Variants in ROS1 observed in about 807,000 individuals in gnomAD.
The protein encoded by ROS1 is proto-oncogene tyrosine-protein kinase ROS.
ROS1 carries 263 observed loss-of-function variants against 273.5 expected under a neutral mutation model. The ratio of observed to expected loss-of-function variants is 0.96; its 90% CI spans 0.87 to 1.06. The LOEUF (loss-of-function observed/expected upper bound fraction) is 1.06. ROS1 is among the 50% of genes least tolerant of loss of function. ROS1 has a pLI of 0.00. For missense variants in ROS1, 2,833 were observed against 2,751.1 expected (o/e 1.03, Z -0.67); for synonymous variants, 1,008 against 954.1 (o/e 1.06, Z -1.04).
chr6:117,388,139 T>C (rs1016464633), intron 13 of ROS1, 147 bp from the exon 14 acceptor site: 3 of 1,258,374 alleles, frequency 2.4e-6, no homozygotes, highest in Non-Finnish European at 3.3e-6. Flanking sequence ...TCACCAGGGA[T>C]CATTTGTTGA....
chr6:117,317,253 T>C lies in ROS1; in HGVS notation c.6007A>G (p.Ile2003Val). 1 of 1,612,052 alleles carries C rather than the reference T, an allele frequency of 6.2e-7. No individual in the cohort carries two copies. Among genetic ancestry groups the C allele is most frequent in the East Asian group, 2.2e-5 (1 of 44,850 alleles). The change falls in exon 39 of 44, where the codon ATT becomes GTT. Residue 2003 changes from isoleucine to valine, a missense_variant. Physicochemically the swap from Ile to Val is conservative, Grantham distance 29. Coordinates refer to ENST00000368507, the MANE Select transcript of ROS1 (RefSeq NM_001378902.1). ...AGACAAACTCCAAGCTGCTTCAGAA[T>C]GTTGGGATGATTAAATTTGCTGAAA... ...HLMSKFNHPN[I>V]LKQLGVCLLN...
At chr6:117,363,616 C>T (rs534637674) in intron 21 of ROS1, among the ~76,000 whole-genome samples, 6 of 152,284 alleles carry the variant, frequency 3.9e-5, no homozygotes, top group Admixed American at 2.0e-4. Flanking sequence ...GGCCTTCTTA[C>T]ATTAGGCTTC....
intron 22 of ROS1, among the ~76,000 whole-genome samples, chr6:117,361,198 T>G (rs1779773921): frequency 6.6e-6 from 1 of 152,038 alleles, no homozygotes; most frequent in Non-Finnish European, 1.5e-5. Flanking sequence ...AAAGTTTATT[T>G]TTTTTCTTAG....
chr6:117,356,282 C>A (rs1356559730), intron 26 of ROS1, among the ~76,000 whole-genome samples: 1 of 152,150 alleles, frequency 6.6e-6, no homozygotes, highest in African/African-American at 2.4e-5. Context: ...GCCTCAGTTT[C>A]CTCATCTGTA....
chr6:117,375,063 T>C (rs1781199744), intron 18 of ROS1, among the ~76,000 whole-genome samples: 1 of 152,154 alleles, frequency 6.6e-6, no homozygotes. Context: ...TGCCCATCAA[T>C]TATTGAATAA....
chr6:117,303,339 A>G (rs2128540205), intron 42 of ROS1, among the ~76,000 whole-genome samples: 1 of 152,362 alleles, frequency 6.6e-6, no homozygotes, highest in African/African-American at 2.4e-5. Flanking sequence ...CACGAGTTCT[A>G]ATAGACATGA....
intron 41 of ROS1, 149 bp downstream of exon 41, chr6:117,309,932 C>A: frequency 2.8e-6 from 2 of 715,088 alleles, no homozygotes; most frequent in Admixed American, 2.3e-5. Flanking sequence ...ACCTTGACCA[C>A]CAACTCTCAC....
chr6:117,332,676 C>A (rs755703001), intron 32 of ROS1, among the ~76,000 whole-genome samples: 1 of 151,950 alleles, frequency 6.6e-6, no homozygotes, highest in African/African-American at 2.4e-5. Context: ...AAATTAGAAC[C>A]CAGGATTAAG....
chr6:117,387,045 C>T, intron 14 of ROS1, 46 bp from the exon 15 acceptor site: 1 of 1,070,462 alleles, frequency 9.3e-7, no homozygotes, highest in Non-Finnish European at 1.4e-6. Flanking sequence ...GGAAAGCAAA[C>T]TCTTTAAAGG....
In ROS1 at chr6:117,287,614, C is replaced by A. The variant is rs1296851482; in HGVS notation, c.*878G>T. ...AGCCTCAAAACTACAAAATATTTTA[C>A]AGTAGTGATTAAAGACAATATATAT... On this transcript the variant is annotated 3_prime_UTR_variant, in exon 44 of 44. Transcript: ENST00000368507. Among the ~76,000 whole-genome samples the A allele has an allele frequency of 6.6e-6, 1 of 152,100 alleles. No homozygotes were observed. Among genetic ancestry groups the A allele is most frequent in the Non-Finnish European group, 1.5e-5 (1 of 68,016 alleles).
Position 117,366,355 on chromosome 6 carries a change from T to A in ROS1, c.2583-65A>T, listed in dbSNP as rs1271205951. On this transcript the variant is annotated intron_variant, in intron 18 of 43. Transcript: ENST00000368507. ...TGGTGGAAGGGCTGGTCCATGCAAG[T>A]AGTCATGAGAATATATGTTTGTGAG... 3 of 1,097,790 alleles carry A rather than the reference T, an allele frequency of 2.7e-6. No individual in the cohort carries two copies. In the East Asian group the frequency reaches 7.1e-5, roughly 26 times the overall value. The allele number at this position is 1,097,790 out of a possible 1,614,324, so 68.0% of individuals were successfully genotyped here. A position where few individuals can be genotyped will look rare whatever the true frequency, so the allele number is the denominator to read the frequency against.
intron 18 of ROS1, among the ~76,000 whole-genome samples, chr6:117,374,194 G>A (rs1781125982): frequency 6.6e-6 from 1 of 152,140 alleles, no homozygotes; most frequent in African/African-American, 2.4e-5. Flanking sequence ...GCAAGACTAA[G>A]CAAAAAGAAC....
Position 117,409,592 on chromosome 6 carries a change from C to T in ROS1, c.306G>A (p.Glu102=), listed in dbSNP as rs988885011. ...GCSSAEGAYE[E]EVLENADLPT... The stretch of plus-strand genomic sequence containing the variant: ...TGTGTGTCCTCTTACCCAGTACTTC[C>T]TCTTCATATGCACCTTCCGCGCTGC... The change falls in exon 5 of 44, where the codon GAG becomes GAA. Residue 102 remains glutamate (E), a synonymous_variant. Coordinates refer to ENST00000368507, the MANE Select transcript of ROS1 (RefSeq NM_001378902.1). 5 of 1,613,564 alleles carry T rather than the reference C, an allele frequency of 3.1e-6. No homozygotes were observed. The African/African-American group carries it at 6.7e-5, about 22-fold the overall frequency.
At chr6:117,423,552 A>C (rs911157094) in intron 1 of ROS1, among the ~76,000 whole-genome samples, 2 of 152,200 alleles carry the variant, frequency 1.3e-5, no homozygotes, top group Non-Finnish European at 2.9e-5. Flanking sequence ...AAAACTTTTC[A>C]GTTAATACTT....
chr6:117,395,351 G>A (rs1011263907), intron 9 of ROS1, among the ~76,000 whole-genome samples: 2 of 152,196 alleles, frequency 1.3e-5, no homozygotes, highest in African/African-American at 2.4e-5. Flanking sequence ...CCCTTTGGAC[G>A]TGCTTCTTAC....
intron 39 of ROS1, among the ~76,000 whole-genome samples, chr6:117,313,667 G>A (rs942414099): frequency 1.3e-5 from 2 of 151,992 alleles, no homozygotes; most frequent in East Asian, 1.9e-4. Flanking sequence ...CAAAGGACTA[G>A]ACTAAGCTTT....
intron 35 of ROS1, among the ~76,000 whole-genome samples, chr6:117,321,602 C>A (rs1015651691): frequency 6.6e-6 from 1 of 152,086 alleles, no homozygotes; most frequent in Non-Finnish European, 1.5e-5. Flanking sequence ...ACAAATCATA[C>A]TACACCATTT....
chr6:117,367,414 C>G (rs1045233805), intron 18 of ROS1, among the ~76,000 whole-genome samples: 2 of 152,344 alleles, frequency 1.3e-5, no homozygotes, highest in Middle Eastern at 3.4e-3. Flanking sequence ...CAGAATAACT[C>G]TGTTATGAGC....
rs1582511212 is a variant in ROS1, at chr6:117,288,258, T to G, written c.*234A>C. The G allele has an allele frequency of 5.6e-6, 3 of 535,328 alleles. No individual in the cohort carries two copies. Among genetic ancestry groups the G allele is most frequent in the Non-Finnish European group, 9.8e-6 (3 of 304,578 alleles). The allele number at this position is 535,328 out of a possible 1,614,324, so 33.2% of individuals were successfully genotyped here. A position where few individuals can be genotyped will look rare whatever the true frequency, so the allele number is the denominator to read the frequency against. On this transcript the variant is annotated 3_prime_UTR_variant, in exon 44 of 44. Transcript: ENST00000368507. ...TCCAGACTTCTGAGTCTTCCTAAGC[T>G]TTCCACATGCTTAGTGTTCATCTCA...
Sources: allele counts gnomAD v4.1 joint callset (sites outside exome capture counted in the v4.1 genomes callset), GRCh38; gene constraint gnomAD v4.1.1; transcripts MANE v1.5; gene names NCBI Gene and HGNC (gene_info 2026-07-23, HGNC 2026-07-21).